The following CTDP1 variants were observed in gnomAD, a reference collection of about 807,000 sequenced individuals.
The protein encoded by CTDP1 is RNA polymerase II subunit A C-terminal domain phosphatase.
A neutral mutation model predicts 91.8 loss-of-function variants in CTDP1; 47 were observed. The observed-to-expected ratio is 0.51, with a 90% confidence interval of 0.41 to 0.65. CTDP1 has a LOEUF of 0.65. Among genes scored for constraint, CTDP1 ranks in the 30% least tolerant of loss-of-function variants. CTDP1 has a pLI of 0.00. For synonymous variants in CTDP1, 656 were observed against 598.5 expected, an observed-to-expected ratio of 1.10 and a Z score of -1.40; for missense variants, 1,272 against 1,373.7, an observed-to-expected ratio of 0.93 and a Z score of 1.17.
At chr18:79,699,168 T>G (rs1253149076) in intron 4 of CTDP1, among the ~76,000 whole-genome samples, 1 of 152,260 alleles carries the variant, frequency 6.6e-6, no homozygotes, top group Non-Finnish European at 1.5e-5. Flanking sequence ...TCGTGGCATC[T>G]TACACAGCAG....
At chr18:79,703,646 G>A (rs1433724748) in intron 4 of CTDP1, 1 of 151,754 alleles carries the variant, frequency 6.6e-6, no homozygotes, top group Non-Finnish European at 1.5e-5. Context: ...GTTCCGAGCA[G>A]CTGCGGTGGC....
chr18:79,742,305 C>A (rs1261965168), intron 12 of CTDP1, among the ~76,000 whole-genome samples: 1 of 151,190 alleles, frequency 6.6e-6, no homozygotes, highest in Non-Finnish European at 1.5e-5. Context: ...CTGAGGGCAG[C>A]AGAGGAGGCA....
intron 10 of CTDP1, among the ~76,000 whole-genome samples, chr18:79,719,998 TCTC>T (rs199908826): frequency 0.031 from 3,699 of 119,866 alleles, 152 homozygotes; most frequent in South Asian, 0.13. Context: ...GACGATGTCA[TCTC>T]CTGTCGTTAG....
At chr18:79,680,484 G>A (rs1008948379) in intron 1 of CTDP1, among the ~76,000 whole-genome samples, 1 of 152,264 alleles carries the variant, frequency 6.6e-6, no homozygotes, top group African/African-American at 2.4e-5. Flanking sequence ...CCTGCGTAGC[G>A]ACACGAAGTT....
At chr18:79,688,859 A>G (rs900449955) in intron 1 of CTDP1, among the ~76,000 whole-genome samples, 4 of 152,256 alleles carry the variant, frequency 2.6e-5, no homozygotes, top group Non-Finnish European at 1.5e-5. Context: ...CTTTTGGGAC[A>G]TAATTTTTGA....
chr18:79,712,130 G>C (rs933212546), intron 6 of CTDP1, among the ~76,000 whole-genome samples: 8 of 152,214 alleles, frequency 5.3e-5, no homozygotes, highest in African/African-American at 1.9e-4. Flanking sequence ...AATGAGAGGT[G>C]CTGTTAGTGT....
chr18:79,697,280 C>T (rs544868744), intron 3 of CTDP1, among the ~76,000 whole-genome samples: 136 of 152,312 alleles, frequency 8.9e-4, no homozygotes, highest in Non-Finnish European at 1.5e-3. Context: ...AGAAAGGCAG[C>T]GTGGTGCGTC....
chr18:79,755,544 G>C (rs117724047), downstream of CTDP1: 2,565 of 153,010 alleles, frequency 0.017, 22 homozygotes, highest in Middle Eastern at 0.032. Flanking sequence ...TGTGCCGGGG[G>C]GTGGGGGCAG....
chr18:79,685,717 AG>A (rs1324139207), intron 1 of CTDP1: 3 of 152,196 alleles, frequency 2.0e-5, no homozygotes, highest in African/African-American at 7.2e-5. Context: ...TTCTGTGATG[AG>A]GGAGTAGAAG....
In CTDP1 at chr18:79,697,865, T is replaced by C. The variant is rs1168413539; in HGVS notation, c.498T>C (p.Ala166=). Residue 166 remains alanine, a synonymous_variant, in exon 4 of 13, where the codon GCT becomes GCC. Transcript: ENST00000613122. ...TTGTTTCTTTTTAATTGTAGCAAGC[T>C]GAACAGCTGGGAAGAGAAGACCAGC... ...VPELMVSSEQ[A]EQLGREDQQR... 1.2e-6 allele frequency: 2 copies of C among 1,614,222 alleles called. No individual in the cohort carries two copies. The highest frequency in any genetic ancestry group is 1.7e-6 in the Non-Finnish European group (2 of 1,180,040).
At chr18:79,701,925 A>G (rs2085867734) in intron 4 of CTDP1, among the ~76,000 whole-genome samples, 1 of 152,242 alleles carries the variant, frequency 6.6e-6, no homozygotes, top group East Asian at 1.9e-4. Flanking sequence ...TGAAACTCGA[A>G]CAGATGAGGA....
rs1403232250 is a variant in CTDP1 at position 79,714,398 on chromosome 18, A to G, written c.1031-93A>G. The G allele has an allele frequency of 2.8e-6, 4 of 1,447,050 alleles. No homozygotes were observed. The African/African-American group carries it at 5.6e-5, about 20-fold the overall frequency. The allele number at this position is 1,447,050 out of a possible 1,614,324, so 89.6% of individuals were successfully genotyped here. ...CCTGGTCTAGAGGGTGGTGGACTTC[A>G]CAGCCATGGAGAAGGGTGCTGCTTT... On this transcript the variant is annotated intron_variant, in intron 7 of 12. Coordinates refer to ENST00000613122, the MANE Select transcript of CTDP1 (RefSeq NM_004715.5).
intron 1 of CTDP1, among the ~76,000 whole-genome samples, chr18:79,684,317 T>C (rs1166572772): frequency 1.3e-5 from 2 of 152,240 alleles, no homozygotes; most frequent in Non-Finnish European, 2.9e-5. Context: ...TAGCATGGAA[T>C]TTTAACAAAG....
chr18:79,729,139 G>A, intron 11 of CTDP1, 70 bp downstream of exon 11: 1 of 1,596,220 alleles, frequency 6.3e-7, no homozygotes, highest in Non-Finnish European at 8.6e-7. Flanking sequence ...TGGTGTGCGG[G>A]CGGATTGCTG....
chr18:79,679,500 G>C, upstream of CTDP1: 1 of 457,118 alleles, frequency 2.2e-6, no homozygotes, highest in Non-Finnish European at 4.4e-6. Flanking sequence ...GCAGGCCTGC[G>C]TTGAACGCTG....
chr18:79,717,867 C>G lies in CTDP1; in HGVS notation c.2268C>G (p.Phe756Leu). 1 of 1,613,618 alleles carries G rather than the reference C, an allele frequency of 6.2e-7. No homozygotes were observed. Among genetic ancestry groups the G allele is most frequent in the Non-Finnish European group, 8.5e-7 (1 of 1,180,002 alleles). ...AGGGTGTGCCCCCCACCGCCTTGTTCCACCCGATGCCGGTTCTTCCCAAGG... is the reference window on the plus strand; with the variant it reads ...AGGGTGTGCCCCCCACCGCCTTGTTGCACCCGATGCCGGTTCTTCCCAAGG... ...DREGVPPTAL[F>L]HPMPVLPKAQ... The change falls in exon 10 of 13, where the codon TTC becomes TTG. Residue 756 changes from phenylalanine to leucine, a missense_variant. Physicochemically the swap from Phe to Leu is conservative, Grantham distance 22 (BLOSUM62 0). Coordinates refer to ENST00000613122, the MANE Select transcript of CTDP1 (RefSeq NM_004715.5).
intron 11 of CTDP1, 69 bp downstream of exon 11, chr18:79,729,138 G>A (rs977115153): frequency 1.2e-6 from 2 of 1,600,602 alleles, no homozygotes; most frequent in Admixed American, 3.3e-5. Context: ...CTGGTGTGCG[G>A]GCGGATTGCT....
chr18:79,748,275 A>G (rs2086920250), intron 12 of CTDP1, among the ~76,000 whole-genome samples: 1 of 152,194 alleles, frequency 6.6e-6, no homozygotes, highest in African/African-American at 2.4e-5. Flanking sequence ...TCGTTTAACT[A>G]AGAGCAAAGG....
chr18:79,693,782 A>G (rs929971415), intron 1 of CTDP1, among the ~76,000 whole-genome samples: 2 of 148,136 alleles, frequency 1.4e-5, no homozygotes, highest in African/African-American at 5.0e-5. Flanking sequence ...ACTCCCCTCC[A>G]CTCCCCTCCA....
Sources: gnomAD v4.1 joint callset for allele counts (sites outside exome capture counted in the v4.1 genomes callset) on GRCh38, gnomAD v4.1.1 for gene constraint, MANE v1.5 for transcripts, NCBI Gene and HGNC (gene_info 2026-07-23, HGNC 2026-07-21) for gene names.